EPB41L4A: variants seen among roughly 807,000 people sequenced by gnomAD.
EPB41L4A encodes the protein band 4.1-like protein 4A.
A neutral mutation model predicts 108.6 loss-of-function variants in EPB41L4A; 100 were observed. The ratio of observed to expected loss-of-function variants is 0.92; its 90% CI spans 0.78 to 1.09. The LOEUF is 1.09. Among genes scored for constraint, EPB41L4A ranks in the 50% least tolerant of loss-of-function variants. EPB41L4A has a pLI of 0.00. For synonymous variants in EPB41L4A, 319 were observed against 289.0 expected, an observed-to-expected ratio of 1.10 and a Z score of -1.05; for missense variants, 1,030 against 842.7, an observed-to-expected ratio of 1.22 and a Z score of -2.75.
chr5:112,313,858 CTTTTTT>C lies in EPB41L4A; in HGVS notation c.100-6374_100-6369del, dbSNP rs1188991050. Among the ~76,000 whole-genome samples, 16 of 89,468 alleles carry C rather than the reference CTTTTTT, an allele frequency of 1.8e-4. No individual in the cohort carries two copies. In the East Asian group the frequency reaches 5.0e-3, roughly 28 times the overall value. 58.7% of individuals were successfully genotyped at this position (89,468 alleles called of 152,430 possible). On this transcript the variant is annotated intron_variant, in intron 1 of 22. Transcript: ENST00000261486. ...AACCGCTCCAAAAAAAGGTAACTTT[CTTTTTT>C]TTTTTTTTTTTTTTTTTGAGATGGA...
chr5:112,272,781 C>CAAAAA (rs35621227), intron 4 of EPB41L4A, among the ~76,000 whole-genome samples: 28 of 90,240 alleles, frequency 3.1e-4, no homozygotes, highest in Admixed American at 5.6e-4. Flanking sequence ...AACTCCGTCT[C>CAAAAA]AAAAAAAAAA....
intron 1 of EPB41L4A, among the ~76,000 whole-genome samples, chr5:112,321,431 G>A (rs1016224064): frequency 3.9e-5 from 6 of 152,164 alleles, no homozygotes; most frequent in African/African-American, 1.4e-4. Flanking sequence ...GCAGAGGGAT[G>A]CTCTTTTAGG....
Position 112,173,127 on chromosome 5 carries a change from T to C in EPB41L4A, c.1623-2135A>G, listed in dbSNP as rs1300596801. Among the ~76,000 whole-genome samples the C allele has an allele frequency of 5.9e-5, 9 of 152,332 alleles. No individual in the cohort carries two copies. The East Asian group carries it at 1.2e-3, about 20-fold the overall frequency. Reference sequence around the variant, plus strand: ...TGGTTGGGTGGTGGAAGCCAAGTTTTTGTAAAGATCCATTATGTGAGTACT... The same window carrying C: ...TGGTTGGGTGGTGGAAGCCAAGTTTCTGTAAAGATCCATTATGTGAGTACT... On this transcript the variant is annotated intron_variant, in intron 18 of 22. Transcript: ENST00000261486.
intron 12 of EPB41L4A, among the ~76,000 whole-genome samples, chr5:112,156,475 C>A (rs1217373354): frequency 6.6e-6 from 1 of 150,566 alleles, no homozygotes; most frequent in Non-Finnish European, 1.5e-5. Flanking sequence ...AGGCAGACAG[C>A]AAGCGAATCC....
chr5:112,263,219 T>A (rs1268903456), intron 6 of EPB41L4A, among the ~76,000 whole-genome samples: 1 of 152,130 alleles, frequency 6.6e-6, no homozygotes, highest in African/African-American at 2.4e-5. Context: ...ACAGAAGAGT[T>A]AAATATGCAT....
intron 1 of EPB41L4A, among the ~76,000 whole-genome samples, chr5:112,376,900 C>A (rs537172687): frequency 6.6e-6 from 1 of 152,046 alleles, no homozygotes; most frequent in Non-Finnish European, 1.5e-5. Context: ...GAAGAGAGTA[C>A]GTCTATAAAA....
Position 112,176,370 on chromosome 5 carries a change from T to G in EPB41L4A, c.1623-5378A>C, listed in dbSNP as rs972129033. On this transcript the variant is annotated intron_variant, in intron 18 of 22. Transcript: ENST00000261486. ...TGAAGTAATCCATCATCCTTAAGAG[T>G]TACAACATTTGTATTCAGTTGTCCA... is the stretch of plus-strand genomic sequence containing the variant. 2.0e-5 allele frequency among the ~76,000 whole-genome samples: 3 copies of G among 152,094 alleles called. No homozygotes were observed. In the East Asian group the frequency reaches 5.8e-4, roughly 29 times the overall value.
chr5:112,321,046 G>T (rs982808677), intron 1 of EPB41L4A, among the ~76,000 whole-genome samples: 1 of 152,136 alleles, frequency 6.6e-6, no homozygotes, highest in Non-Finnish European at 1.5e-5. Context: ...AGACTTCAGG[G>T]TGTTCATATC....
chr5:112,218,710 T>C (rs1483146489), intron 12 of EPB41L4A, among the ~76,000 whole-genome samples: 2 of 152,246 alleles, frequency 1.3e-5, no homozygotes, highest in Non-Finnish European at 2.9e-5. Flanking sequence ...AGATTGTTTT[T>C]AAAATGCTTA....
At chr5:112,391,520 A>C (rs1760939310) in intron 1 of EPB41L4A, among the ~76,000 whole-genome samples, 1 of 151,642 alleles carries the variant, frequency 6.6e-6, no homozygotes, top group Non-Finnish European at 1.5e-5. Flanking sequence ...ACAAGAACAG[A>C]AGTGTAGAGA....
chr5:112,201,946 G>C (rs919095373), intron 15 of EPB41L4A, among the ~76,000 whole-genome samples: 4 of 152,042 alleles, frequency 2.6e-5, no homozygotes, highest in African/African-American at 9.7e-5. Flanking sequence ...TGGTGATGGT[G>C]GGCTGAATAT....
At chr5:112,315,140 T>C (rs577648652) in intron 1 of EPB41L4A, among the ~76,000 whole-genome samples, 3 of 152,278 alleles carry the variant, frequency 2.0e-5, no homozygotes, top group Admixed American at 6.5e-5. Context: ...ATCCTACTTA[T>C]CCTTCAAGAT....
chr5:112,230,138 G>A (rs1342801464), intron 12 of EPB41L4A, among the ~76,000 whole-genome samples: 3 of 152,082 alleles, frequency 2.0e-5, no homozygotes, highest in African/African-American at 7.2e-5. Flanking sequence ...TGGCTGATGG[G>A]CATTTAGGCT....
At chr5:112,388,919 C>A (rs1013321931) in intron 1 of EPB41L4A, among the ~76,000 whole-genome samples, 1 of 152,190 alleles carries the variant, frequency 6.6e-6, no homozygotes, top group Non-Finnish European at 1.5e-5. Context: ...CTTTAGCCCC[C>A]TGCTATGAGC....
chr5:112,302,246 C>T (rs561506698), intron 2 of EPB41L4A, among the ~76,000 whole-genome samples: 5 of 152,174 alleles, frequency 3.3e-5, no homozygotes, highest in Admixed American at 6.5e-5. Flanking sequence ...TGGCTCACAC[C>T]TATAATCCTA....
intron 12 of EPB41L4A, among the ~76,000 whole-genome samples, chr5:112,224,783 A>T (rs1256263085): frequency 6.6e-6 from 1 of 152,192 alleles, no homozygotes; most frequent in Non-Finnish European, 1.5e-5. Flanking sequence ...ACAGACTTGG[A>T]CCATAACTCA....
chr5:112,382,394 C>T (rs1180603240), intron 1 of EPB41L4A, among the ~76,000 whole-genome samples: 1 of 152,138 alleles, frequency 6.6e-6, no homozygotes, highest in Admixed American at 6.5e-5. Context: ...TATGACTATA[C>T]CTGCAATGAC....
At chr5:112,314,775 G>A (rs1006408947) in intron 1 of EPB41L4A, among the ~76,000 whole-genome samples, 5 of 149,678 alleles carry the variant, frequency 3.3e-5, no homozygotes, top group Admixed American at 1.3e-4. Context: ...CCTGGGTGAC[G>A]GAGCAAGACT....
At position 112,267,073 on chromosome 5, in the gene EPB41L4A, A is replaced by C. The variant is rs1196631399; in HGVS notation, c.336-743T>G. 2.6e-5 allele frequency among the ~76,000 whole-genome samples: 4 copies of C among 152,244 alleles called. No individual in the cohort carries two copies. The East Asian group carries it at 7.7e-4, about 29-fold the overall frequency. On this transcript the variant is annotated intron_variant, in intron 4 of 22. Coordinates refer to ENST00000261486, the MANE Select transcript of EPB41L4A (RefSeq NM_022140.5). ...AGCAATCTGACCCTGGAACTCTATC[A>C]ATCAGGATGTCATGTAACTTTGATT...
Sources: allele counts gnomAD v4.1 joint callset (sites outside exome capture counted in the v4.1 genomes callset), GRCh38; gene constraint gnomAD v4.1.1; transcripts MANE v1.5; gene names NCBI Gene and HGNC (gene_info 2026-07-23, HGNC 2026-07-21).